IFTAP: variants seen among roughly 807,000 people sequenced by gnomAD.
The protein encoded by IFTAP is intraflagellar transport-associated protein.
A neutral mutation model predicts 19.4 loss-of-function variants in IFTAP; 19 were observed. The observed-to-expected ratio is 0.98, with a 90% CI of 0.68 to 1.44. The LOEUF is 1.44. IFTAP is among the 40% of genes most tolerant of loss of function. The pLI is 0.00. For synonymous variants in IFTAP, 85 were observed against 83.5 expected, an observed-to-expected ratio of 1.02 and a Z score of -0.10; for missense variants, 240 against 253.6, an observed-to-expected ratio of 0.95 and a Z score of 0.36.
intron 4 of IFTAP, among the ~76,000 whole-genome samples, chr11:36,642,426 G>A (rs1400518181): frequency 6.6e-6 from 1 of 152,112 alleles, no homozygotes; most frequent in Non-Finnish European, 1.5e-5. Flanking sequence ...TCTACCAGAG[G>A]TACGAGGAGG....
At chr11:36,604,883 T>C (rs1431183341) in intron 1 of IFTAP, among the ~76,000 whole-genome samples, 1 of 152,016 alleles carries the variant, frequency 6.6e-6, no homozygotes, top group Non-Finnish European at 1.5e-5. Context: ...AATTTCTCAC[T>C]GGATGTTTTT....
intron 4 of IFTAP, among the ~76,000 whole-genome samples, chr11:36,642,257 A>T (rs1565026806): frequency 6.6e-6 from 1 of 152,232 alleles, no homozygotes; most frequent in South Asian, 2.1e-4. Flanking sequence ...GAAAATCTAG[A>T]AGAAATGAAT....
chr11:36,632,062 A>G (rs2133450235), intron 2 of IFTAP, among the ~76,000 whole-genome samples: 1 of 151,274 alleles, frequency 6.6e-6, no homozygotes, highest in South Asian at 2.1e-4. Context: ...GTCAGAAGGC[A>G]GTGTTCAGAT....
intron 2 of IFTAP, among the ~76,000 whole-genome samples, chr11:36,614,717 C>G (rs1852006506): frequency 1.3e-5 from 2 of 148,594 alleles, no homozygotes; most frequent in South Asian, 4.3e-4. Context: ...TAAATGTCTT[C>G]TTTTGAGAAG....
chr11:36,599,641 GA>G (rs1260865708), intron 1 of IFTAP, among the ~76,000 whole-genome samples: 2 of 150,844 alleles, frequency 1.3e-5, no homozygotes, highest in South Asian at 4.1e-4. Flanking sequence ...TTTCAGGGTT[GA>G]TTTTTTTTTA....
At chr11:36,631,318 A>T (rs182762075) in intron 2 of IFTAP, among the ~76,000 whole-genome samples, 1 of 151,518 alleles carries the variant, frequency 6.6e-6, no homozygotes, top group East Asian at 1.9e-4. Context: ...TTATTTATGG[A>T]TGTGAACTTT....
At chr11:36,625,910 G>T (rs1852492805) in intron 2 of IFTAP, among the ~76,000 whole-genome samples, 1 of 145,290 alleles carries the variant, frequency 6.9e-6, no homozygotes, top group African/African-American at 2.9e-5. Context: ...AACAGCGAGT[G>T]CAAAGGCCAG....
intron 2 of IFTAP, among the ~76,000 whole-genome samples, chr11:36,612,842 A>G (rs16929145): frequency 0.11 from 17,255 of 152,136 alleles, 1,156 homozygotes; most frequent in African/African-American, 0.17. Flanking sequence ...AAATTAAATT[A>G]TAGCCTTGTT....
chr11:36,602,298 C>T (rs1851537705), intron 1 of IFTAP, among the ~76,000 whole-genome samples: 1 of 152,174 alleles, frequency 6.6e-6, no homozygotes, highest in South Asian at 2.1e-4. Flanking sequence ...TACACCTGCT[C>T]CTAACCAGCT....
chr11:36,638,561 GAAATT>G (rs1554954719), intron 4 of IFTAP, among the ~76,000 whole-genome samples: 1 of 152,208 alleles, frequency 6.6e-6, no homozygotes, highest in Non-Finnish European at 1.5e-5. Context: ...AAAGGGAAAA[GAAATT>G]AAATAGTTGG....
At chr11:36,642,851 C>T (rs1853288287) in intron 4 of IFTAP, among the ~76,000 whole-genome samples, 2 of 152,234 alleles carry the variant, frequency 1.3e-5, no homozygotes, top group South Asian at 4.2e-4. Flanking sequence ...ATTGATGGGA[C>T]ATATCTCAAA....
intron 5 of IFTAP, among the ~76,000 whole-genome samples, chr11:36,657,568 T>G (rs1028985847): frequency 1.3e-5 from 2 of 152,196 alleles, no homozygotes; most frequent in African/African-American, 4.8e-5. Flanking sequence ...AGTGGAAACT[T>G]CAAGGTTGAT....
In IFTAP at chr11:36,659,117, C is replaced by T; in HGVS notation, c.597C>T (p.Asn199=). The T allele has an allele frequency of 5.0e-6, 8 of 1,609,628 alleles. No homozygotes were observed. The highest frequency in any genetic ancestry group is 6.8e-6 in the Non-Finnish European group (8 of 1,177,858). Residue 199 remains asparagine, a synonymous_variant, in exon 6 of 6, where the codon AAC becomes AAT. Coordinates refer to ENST00000334307, the MANE Select transcript of IFTAP (RefSeq NM_138787.4). ...TSKFSPAEIE[N]IKELCKQQKR... is the part of the protein sequence containing the mutation. ...AGTTTAGTCCTGCAGAGATAGAGAA[C>T]ATCAAAGAGCTATGCAAGCAGCAGA...
chr11:36,648,279 T>C, intron 5 of IFTAP, 124 bp downstream of exon 5: 1 of 1,202,212 alleles, frequency 8.3e-7, no homozygotes, highest in Non-Finnish European at 1.1e-6. Flanking sequence ...TCAAGTTGCT[T>C]AATTGGTCCC....
At chr11:36,619,035 G>A (rs1054643806) in intron 2 of IFTAP, among the ~76,000 whole-genome samples, 1 of 151,942 alleles carries the variant, frequency 6.6e-6, no homozygotes, top group East Asian at 1.9e-4. Context: ...AGAGTCACAG[G>A]TATTTTGCCT....
intron 4 of IFTAP, among the ~76,000 whole-genome samples, chr11:36,638,011 G>A (rs1291511857): frequency 3.3e-5 from 5 of 151,946 alleles, no homozygotes; most frequent in African/African-American, 1.2e-4. Context: ...CTCCCAAGTA[G>A]CTGGGATTAC....
intron 1 of IFTAP, among the ~76,000 whole-genome samples, chr11:36,599,070 T>A (rs771163004): frequency 1.3e-5 from 2 of 152,188 alleles, no homozygotes; most frequent in Non-Finnish European, 2.9e-5. Flanking sequence ...CTTGGCTCAC[T>A]GCAACCTCTG....
At chr11:36,652,214 CTCTTT>C (rs1164916296) in intron 5 of IFTAP, among the ~76,000 whole-genome samples, 1 of 152,108 alleles carries the variant, frequency 6.6e-6, no homozygotes, top group Non-Finnish European at 1.5e-5. Context: ...TGTTTGTGTT[CTCTTT>C]TATTTCGTTG....
chr11:36,647,023 G>A (rs1373167141), intron 4 of IFTAP, among the ~76,000 whole-genome samples: 2 of 152,074 alleles, frequency 1.3e-5, no homozygotes, highest in African/African-American at 2.4e-5. Context: ...GATATCTATA[G>A]TGTTGAGGGA....
Sources: allele counts gnomAD v4.1 joint callset (sites outside exome capture counted in the v4.1 genomes callset), GRCh38; gene constraint gnomAD v4.1.1; transcripts MANE v1.5; gene names NCBI Gene and HGNC (gene_info 2026-07-23, HGNC 2026-07-21).